STPG2: variants seen among roughly 807,000 people sequenced by gnomAD.
The protein encoded by STPG2 is sperm tail PG-rich repeat containing 2, also known as sperm-tail PG-rich repeat-containing protein 2.
In STPG2, 56 loss-of-function variants were observed where a neutral mutation model predicts 54.2. The ratio of observed to expected loss-of-function variants is 1.03; its 90% CI spans 0.83 to 1.29. The LOEUF (loss-of-function observed/expected upper bound fraction) is 1.29, where lower values mean the gene tolerates loss of function less well. STPG2 is among the 50% of genes most tolerant of loss of function. The pLI is 0.00. For synonymous variants in STPG2, 200 were observed against 181.8 expected, an observed-to-expected ratio of 1.10 and a Z score of -0.81; for missense variants, 596 against 544.9, an observed-to-expected ratio of 1.09 and a Z score of -0.93.
chr4:97,637,415 C>T (rs1721594379), intron 10 of STPG2, among the ~76,000 whole-genome samples: 2 of 152,082 alleles, frequency 1.3e-5, no homozygotes, highest in South Asian at 2.1e-4. Context: ...TGGAAGCATT[C>T]CCTTTGAAAA....
chr4:97,628,670 A>G (rs1264288764), intron 10 of STPG2, among the ~76,000 whole-genome samples: 2 of 152,144 alleles, frequency 1.3e-5, no homozygotes, highest in African/African-American at 4.8e-5. Flanking sequence ...AGATAGCAGA[A>G]TTCAGTTATT....
At chr4:97,515,740 A>G (rs982114496) in intron 4 of STPG2, among the ~76,000 whole-genome samples, 1 of 152,070 alleles carries the variant, frequency 6.6e-6, no homozygotes, top group African/African-American at 2.4e-5. Context: ...TCCATCAGCT[A>G]GAACATATTA....
chr4:97,627,707 T>C (rs1734169758), intron 10 of STPG2, among the ~76,000 whole-genome samples: 1 of 152,178 alleles, frequency 6.6e-6, no homozygotes, highest in Non-Finnish European at 1.5e-5. Flanking sequence ...TAGAGAATTT[T>C]GGCATTAATC....
At chr4:97,858,076 G>A (rs1488182200) in intron 8 of STPG2, among the ~76,000 whole-genome samples, 1 of 152,062 alleles carries the variant, frequency 6.6e-6, no homozygotes, top group Non-Finnish European at 1.5e-5. Flanking sequence ...GCAAATCTAA[G>A]AGTTATTGGC....
At chr4:98,071,367 G>C (rs187122818) in intron 5 of STPG2, among the ~76,000 whole-genome samples, 73 of 152,236 alleles carry the variant, frequency 4.8e-4, no homozygotes, top group Admixed American at 4.7e-3. Flanking sequence ...CTAGCCATAC[G>C]CAGAAAATTG....
chr4:97,536,012 C>A (rs1188264161), intron 4 of STPG2, among the ~76,000 whole-genome samples: 1 of 152,088 alleles, frequency 6.6e-6, no homozygotes, highest in Non-Finnish European at 1.5e-5. Context: ...GTTTCTCAGG[C>A]CAGAGTGCAG....
chr4:97,858,323 A>T (rs973440312), intron 8 of STPG2, among the ~76,000 whole-genome samples: 4 of 152,148 alleles, frequency 2.6e-5, no homozygotes, highest in Non-Finnish European at 5.9e-5. Flanking sequence ...AATAACATAG[A>T]ATGGAGCTCA....
chr4:97,859,085 T>C (rs564022278), intron 8 of STPG2, among the ~76,000 whole-genome samples: 1 of 152,272 alleles, frequency 6.6e-6, no homozygotes, highest in Admixed American at 6.5e-5. Context: ...ATTATGGCCA[T>C]TCTTGCAGGA....
intron 8 of STPG2, among the ~76,000 whole-genome samples, chr4:97,936,061 C>G (rs896010627): frequency 2.1e-4 from 32 of 152,230 alleles, no homozygotes; most frequent in Admixed American, 1.9e-3. Context: ...TCTGGGTGCT[C>G]CTGTATTGGG....
intron 3 of STPG2, 62 bp downstream of exon 3, chr4:98,128,366 G>A: frequency 1.5e-6 from 2 of 1,366,982 alleles, no homozygotes; most frequent in Non-Finnish European, 9.7e-7. Context: ...AGGAAAAAAA[G>A]AAACCCATAT....
chr4:97,804,329 G>A (rs893943920), intron 9 of STPG2, among the ~76,000 whole-genome samples: 2 of 152,124 alleles, frequency 1.3e-5, no homozygotes, highest in Non-Finnish European at 2.9e-5. Context: ...TGATAATGGA[G>A]CTGAAAAATT....
At chr4:97,926,184 C>A (rs1732325182) in intron 8 of STPG2, among the ~76,000 whole-genome samples, 1 of 152,158 alleles carries the variant, frequency 6.6e-6, no homozygotes, top group Non-Finnish European at 1.5e-5. Flanking sequence ...CCTTTCCAGA[C>A]TTTCAGATAG....
At chr4:97,842,820 T>C (rs1728841334) in intron 8 of STPG2, among the ~76,000 whole-genome samples, 1 of 151,872 alleles carries the variant, frequency 6.6e-6, no homozygotes, top group Non-Finnish European at 1.5e-5. Context: ...CACCTGCTGC[T>C]ATGTATATTT....
chr4:97,589,247 A>C (rs564173664), intron 10 of STPG2, among the ~76,000 whole-genome samples: 4 of 152,174 alleles, frequency 2.6e-5, no homozygotes, highest in South Asian at 2.1e-4. Context: ...CCAAAAAAAA[A>C]ACCAATTACC....
chr4:97,450,178 C>A (rs928818817), intron 4 of STPG2, among the ~76,000 whole-genome samples: 1 of 151,902 alleles, frequency 6.6e-6, no homozygotes, highest in African/African-American at 2.4e-5. Context: ...AATAAAAAAT[C>A]AACATTCATA....
chr4:97,448,344 A>T, intron 4 of STPG2, among the ~76,000 whole-genome samples: 1 of 152,124 alleles, frequency 6.6e-6, no homozygotes, highest in Non-Finnish European at 1.5e-5. Context: ...AAAGGACATA[A>T]GATTTGGGAG....
At chr4:97,589,167 G>A (rs1001895376) in intron 10 of STPG2, among the ~76,000 whole-genome samples, 2 of 151,838 alleles carry the variant, frequency 1.3e-5, no homozygotes, top group African/African-American at 2.4e-5. Context: ...TGTAGTGAAA[G>A]GTATGTTCTC....
intron 4 of STPG2, among the ~76,000 whole-genome samples, chr4:97,462,652 T>A (rs984972669): frequency 2.0e-5 from 3 of 152,078 alleles, no homozygotes; most frequent in Admixed American, 1.3e-4. Context: ...TTTTTTTTTA[T>A]ATCATTGGCA....
chr4:97,573,801 A>G (rs1043539509), intron 10 of STPG2, among the ~76,000 whole-genome samples: 4 of 152,124 alleles, frequency 2.6e-5, no homozygotes, highest in African/African-American at 9.7e-5. Flanking sequence ...GCCAGGTCTC[A>G]CTAACAGCTG....
Sources: gnomAD v4.1 joint callset for allele counts (sites outside exome capture counted in the v4.1 genomes callset) on GRCh38, gnomAD v4.1.1 for gene constraint, MANE v1.5 for transcripts, NCBI Gene and HGNC (gene_info 2026-07-23, HGNC 2026-07-21) for gene names.